The following EYA1 variants were observed in gnomAD, a reference collection of about 807,000 sequenced individuals.
EYA1 encodes protein phosphatase EYA1.
In EYA1, 16 loss-of-function variants were observed where a neutral mutation model predicts 82.0. That is an observed-to-expected ratio of 0.20 (90% CI 0.13 to 0.30). The LOEUF (loss-of-function observed/expected upper bound fraction) is 0.30. Ranked by LOEUF, EYA1 falls within the 10% of genes least tolerant of loss-of-function variation. EYA1 has a pLI of 1.00. For missense variants in EYA1, 633 were observed against 730.7 expected (o/e 0.87, Z 1.54); for synonymous variants, 261 against 264.4 (o/e 0.99, Z 0.12).
At chr8:71,522,902 A>C (rs1428677195) in intron 2 of EYA1, among the ~76,000 whole-genome samples, 2 of 152,138 alleles carry the variant, frequency 1.3e-5, no homozygotes, top group Non-Finnish European at 2.9e-5. Context: ...GGGCCACTGC[A>C]CCTGACCTCA....
At chr8:71,480,587 C>G (rs1326224424) in intron 2 of EYA1, among the ~76,000 whole-genome samples, 1 of 152,042 alleles carries the variant, frequency 6.6e-6, no homozygotes, top group Non-Finnish European at 1.5e-5. Context: ...CTGGCACCTT[C>G]AGCTGAATAG....
At chr8:71,298,231 T>C (rs77863561) in intron 9 of EYA1, among the ~76,000 whole-genome samples, 3,980 of 152,226 alleles carry the variant, frequency 0.026, 190 homozygotes, top group African/African-American at 0.091. Context: ...CTTGTAGCAA[T>C]GGAGTGGGCT....
At position 71,437,184 on chromosome 8, in the gene EYA1, G is replaced by T. The variant is rs182541163; in HGVS notation, c.34-80673C>A. 7.1e-4 allele frequency among the ~76,000 whole-genome samples: 107 copies of T among 150,778 alleles called. No individual in the cohort carries two copies. In the East Asian group the frequency reaches 0.015, roughly 21 times the overall value. ...GTGTATATTAAGCCACCAAATTTTT[G>T]ATTTTTTGTCCATTAGTTTGAAGAA... On this transcript the variant is annotated intron_variant, in intron 2 of 18. Coordinates refer to the EYA1 transcript ENST00000643681.
chr8:71,535,081 T>A (rs189119838), intron 2 of EYA1, among the ~76,000 whole-genome samples: 176 of 152,242 alleles, frequency 1.2e-3, no homozygotes, highest in Middle Eastern at 6.8e-3. Context: ...TGCTTTTTTT[T>A]AAATTAAAAT....
chr8:71,367,552 G>GAAA (rs3066860), intron 2 of EYA1, among the ~76,000 whole-genome samples: 3 of 135,654 alleles, frequency 2.2e-5, no homozygotes, highest in African/African-American at 5.3e-5. Flanking sequence ...TCCCAAATCG[G>GAAA]AAAAAAAAAA....
intron 2 of EYA1, among the ~76,000 whole-genome samples, chr8:71,492,734 G>C (rs528742665): frequency 6.6e-6 from 1 of 152,110 alleles, no homozygotes; most frequent in Admixed American, 6.5e-5. Flanking sequence ...CAAAGTGCTG[G>C]GATTACAGGC....
At chr8:71,451,774 T>A (rs1055687216) in intron 2 of EYA1, among the ~76,000 whole-genome samples, 1 of 152,154 alleles carries the variant, frequency 6.6e-6, no homozygotes, top group African/African-American at 2.4e-5. Flanking sequence ...CATCAAGACT[T>A]AGCATATGCA....
chr8:71,274,850 T>C (rs1386788859), intron 9 of EYA1, among the ~76,000 whole-genome samples: 1 of 150,712 alleles, frequency 6.6e-6, no homozygotes, highest in Non-Finnish European at 1.5e-5. Context: ...CATAAGTATG[T>C]GTGAAGGTAA....
At chr8:71,448,617 G>A (rs542128270) in intron 2 of EYA1, among the ~76,000 whole-genome samples, 1 of 152,296 alleles carries the variant, frequency 6.6e-6, no homozygotes, top group East Asian at 1.9e-4. Flanking sequence ...AGTGAATGCT[G>A]TCCAGATGGT....
intron 2 of EYA1, among the ~76,000 whole-genome samples, chr8:71,387,600 C>T (rs544076758): frequency 1.3e-5 from 2 of 152,210 alleles, no homozygotes; most frequent in Admixed American, 1.3e-4. Context: ...AGCTCAGGAA[C>T]AGCAATGCTG....
chr8:71,446,794 C>A (rs898033087), intron 2 of EYA1, among the ~76,000 whole-genome samples: 10 of 152,162 alleles, frequency 6.6e-5, no homozygotes, highest in African/African-American at 2.4e-4. Flanking sequence ...TGAACCACTG[C>A]AGTTATGATT....
At chr8:71,247,372 A>T (rs547387254) in intron 11 of EYA1, among the ~76,000 whole-genome samples, 63 of 152,324 alleles carry the variant, frequency 4.1e-4, no homozygotes, top group African/African-American at 1.5e-3. Flanking sequence ...GAAGGGAAGC[A>T]GAGGACATAG....
chr8:71,259,710 A>G (rs963941899), intron 11 of EYA1, among the ~76,000 whole-genome samples: 10 of 152,192 alleles, frequency 6.6e-5, no homozygotes, highest in African/African-American at 1.9e-4. Flanking sequence ...TGGAGACTCA[A>G]AACAGATAGA....
At chr8:71,542,513 G>A (rs1300244526) in intron 1 of EYA1, among the ~76,000 whole-genome samples, 1 of 152,162 alleles carries the variant, frequency 6.6e-6, no homozygotes, top group African/African-American at 2.4e-5. Context: ...AAATAGTGCT[G>A]CACTGAACAT....
At chr8:71,224,739 C>T (rs1343779844) in intron 12 of EYA1, among the ~76,000 whole-genome samples, 1 of 152,176 alleles carries the variant, frequency 6.6e-6, no homozygotes, top group African/African-American at 2.4e-5. Context: ...CCATCTTTCT[C>T]ACAGAAAACT....
intron 4 of EYA1, among the ~76,000 whole-genome samples, chr8:71,332,561 A>T (rs1003053217): frequency 6.6e-6 from 1 of 152,080 alleles, no homozygotes; most frequent in Non-Finnish European, 1.5e-5. Context: ...GGTCTTCAAT[A>T]TTTCTTGCTC....
intron 11 of EYA1, among the ~76,000 whole-genome samples, chr8:71,253,045 A>G (rs1000069521): frequency 1.3e-5 from 2 of 152,190 alleles, no homozygotes; most frequent in Non-Finnish European, 2.9e-5. Flanking sequence ...AGTGCCTTCA[A>G]TGTAAAGTCC....
chr8:71,485,046 G>C (rs1331364745), intron 2 of EYA1, among the ~76,000 whole-genome samples: 1 of 152,204 alleles, frequency 6.6e-6, no homozygotes, highest in East Asian at 1.9e-4. Flanking sequence ...AGAGTCCAAG[G>C]ACAAAAACTC....
chr8:71,502,947 G>A (rs1811921489), intron 2 of EYA1, among the ~76,000 whole-genome samples: 1 of 152,128 alleles, frequency 6.6e-6, no homozygotes, highest in Admixed American at 6.6e-5. Flanking sequence ...CACCAAACAT[G>A]CACACACAAT....
Sources: gnomAD v4.1 joint callset for allele counts (sites outside exome capture counted in the v4.1 genomes callset) on GRCh38, gnomAD v4.1.1 for gene constraint, MANE v1.5 for transcripts, NCBI Gene and HGNC (gene_info 2026-07-23, HGNC 2026-07-21) for gene names.